Variants in TMCO1 observed in about 807,000 individuals in gnomAD.
The protein encoded by TMCO1 is calcium load-activated calcium channel.
Under a neutral mutation model 29.3 loss-of-function variants are expected in TMCO1, and 29 were observed. The observed-to-expected ratio is 0.99, with a 90% confidence interval of 0.74 to 1.35. The LOEUF (loss-of-function observed/expected upper bound fraction) is 1.35, where lower values mean the gene tolerates loss of function less well. Among genes scored for constraint, TMCO1 ranks in the 40% most tolerant of loss-of-function variants. The pLI is 0.00. For missense variants in TMCO1, 173 were observed against 225.5 expected, an observed-to-expected ratio of 0.77 and a Z score of 1.49; for synonymous variants, 80 against 77.1, an observed-to-expected ratio of 1.04 and a Z score of -0.20.
At chr1:165,765,526 C>A (rs1186182345) in intron 2 of TMCO1, among the ~76,000 whole-genome samples, 1 of 152,234 alleles carries the variant, frequency 6.6e-6, no homozygotes, top group Non-Finnish European at 1.5e-5. Context: ...TCGTGATCCA[C>A]CCACCTCAGC....
chr1:165,752,374 G>A (rs1285364570), intron 4 of TMCO1, among the ~76,000 whole-genome samples: 2 of 149,706 alleles, frequency 1.3e-5, no homozygotes, highest in Non-Finnish European at 3.0e-5. Context: ...CCTTGCCTCA[G>A]CCTCCCGAGT....
chr1:165,729,368 G>C (rs1372256099), intron 6 of TMCO1, among the ~76,000 whole-genome samples: 1 of 148,836 alleles, frequency 6.7e-6, no homozygotes, highest in Non-Finnish European at 1.5e-5. Flanking sequence ...CCAAGCTAGA[G>C]TACAGTGGCA....
At chr1:165,725,995 A>C, downstream of TMCO1, 1 of 684,534 alleles carries the variant, frequency 1.5e-6, no homozygotes. Context: ...GGTCCATAAG[A>C]AGTCTGATTA....
At chr1:165,745,187 ATT>A (rs540820751) in intron 5 of TMCO1, among the ~76,000 whole-genome samples, 21 of 138,674 alleles carry the variant, frequency 1.5e-4, no homozygotes, top group Non-Finnish European at 2.0e-4. Context: ...TGTCTGGCTA[ATT>A]TTTTTTTTTT....
At position 165,728,021 on chromosome 1, in the gene TMCO1, G is replaced by C. The variant is rs928077940; in HGVS notation, c.*2C>G. 6.2e-6 allele frequency: 10 copies of C among 1,602,374 alleles called. No homozygotes were observed. The African/African-American group carries it at 1.2e-4, about 19-fold the overall frequency. On this transcript the variant is annotated 3_prime_UTR_variant, in exon 7 of 7. Coordinates refer to ENST00000367881, the MANE Select transcript of TMCO1 (RefSeq NM_019026.6). The stretch of plus-strand genomic sequence containing the variant: ...ATGATAGAAAATAAAGAGTTCTTGA[G>C]TTCAAGAGAACTTCCCAGAAGGAGG...
downstream of TMCO1, chr1:165,724,995 TC>T: frequency 9.6e-6 from 1 of 103,884 alleles, no homozygotes; most frequent in South Asian, 6.6e-5. Flanking sequence ...TTTCTCTCTC[TC>T]TCTCTCTCTC....
rs1289508750 is a variant in TMCO1 at position 165,727,044 on chromosome 1, C to T, written c.*979G>A. On this transcript the variant is annotated 3_prime_UTR_variant, in exon 7 of 7. Transcript: ENST00000367881. Reference sequence around the variant, plus strand: ...ATGTGCATATTTATTGATAAGACTCCACACAGGACTCCTAATTCCATAGAT... The same window carrying T: ...ATGTGCATATTTATTGATAAGACTCTACACAGGACTCCTAATTCCATAGAT... 4.4e-6 allele frequency: 2 copies of T among 454,044 alleles called. No homozygotes were observed. The highest frequency in any genetic ancestry group is 3.1e-5 in the South Asian group (2 of 64,466). The allele number at this position is 454,044 out of a possible 1,614,324, so 28.1% of individuals were successfully genotyped here.
chr1:165,754,106 T>C, intron 4 of TMCO1, 122 bp downstream of exon 4: 2 of 797,818 alleles, frequency 2.5e-6, no homozygotes. Flanking sequence ...ACCCATGATA[T>C]TATTTATAGC....
At chr1:165,741,088 A>T (rs1023292688) in intron 6 of TMCO1, among the ~76,000 whole-genome samples, 12 of 151,970 alleles carry the variant, frequency 7.9e-5, no homozygotes, top group African/African-American at 2.9e-4. Context: ...AACACCTCAA[A>T]CTCAGCGTGT....
chr1:165,747,820 T>A (rs762499411), intron 5 of TMCO1, among the ~76,000 whole-genome samples: 39 of 152,142 alleles, frequency 2.6e-4, no homozygotes, highest in Non-Finnish European at 4.3e-4. Context: ...CACGTCCTCA[T>A]CTGTAAAATA....
intron 2 of TMCO1, 134 bp from the exon 3 acceptor site, chr1:165,759,718 G>A (rs935229007): frequency 1.7e-5 from 12 of 713,772 alleles, no homozygotes; most frequent in Non-Finnish European, 2.4e-5. Context: ...TCATGATTAA[G>A]TTAACTGGTC....
In TMCO1 at chr1:165,768,765, C is replaced by T; in HGVS notation, c.-14G>A. On this transcript the variant is annotated 5_prime_UTR_variant, in exon 1 of 7. Coordinates refer to ENST00000367881, the MANE Select transcript of TMCO1 (RefSeq NM_019026.6). ...CATAGTGCTCATCTCGCACCTTCGTCTCTGCACTCTCACCCGCCAGGGGGA... is the reference window on the plus strand; with the variant it reads ...CATAGTGCTCATCTCGCACCTTCGTTTCTGCACTCTCACCCGCCAGGGGGA... 1 of 1,614,112 alleles carries T rather than the reference C, an allele frequency of 6.2e-7. No homozygotes were observed. The highest frequency in any genetic ancestry group is 1.7e-5 in the Admixed American group (1 of 60,012).
Position 165,749,837 on chromosome 1 carries a change from CAT to C in TMCO1, c.323+2263_323+2264del, listed in dbSNP as rs1651933614. ...TGTAAAAAACTCTTGTAAATAAAAA[CAT>C]AAAAAATAAACGTCAAAAAAAAGAA... On this transcript the variant is annotated intron_variant, in intron 5 of 6. Coordinates refer to ENST00000367881, the MANE Select transcript of TMCO1 (RefSeq NM_019026.6). Among the ~76,000 whole-genome samples, 3 of 151,420 alleles carry C rather than the reference CAT, an allele frequency of 2.0e-5. 1 individual carries two copies. Among genetic ancestry groups the C allele is most frequent in the African/African-American group, 7.3e-5 (3 of 41,286 alleles).
chr1:165,749,013 A>G (rs1186863110), intron 5 of TMCO1, among the ~76,000 whole-genome samples: 2 of 152,144 alleles, frequency 1.3e-5, no homozygotes, highest in Admixed American at 1.3e-4. Context: ...ATGGCTTACC[A>G]GCTCACTTCT....
chr1:165,732,269 T>C (rs1014922292), intron 6 of TMCO1, among the ~76,000 whole-genome samples: 14 of 151,500 alleles, frequency 9.2e-5, no homozygotes, highest in Admixed American at 6.6e-4. Context: ...AAAGTTGATG[T>C]AGGGAGAGGT....
intron 6 of TMCO1, among the ~76,000 whole-genome samples, chr1:165,734,310 G>T (rs987597064): frequency 6.6e-6 from 1 of 152,072 alleles, no homozygotes; most frequent in African/African-American, 2.4e-5. Flanking sequence ...ATATTATTGG[G>T]TTAGCAATCA....
At chr1:165,729,013 T>C (rs1651012973) in intron 6 of TMCO1, among the ~76,000 whole-genome samples, 1 of 146,828 alleles carries the variant, frequency 6.8e-6, no homozygotes, top group Non-Finnish European at 1.5e-5. Context: ...GGGTGAGGCA[T>C]GAGAGTCCCT....
chr1:165,765,313 T>C (rs1038921052), intron 2 of TMCO1, among the ~76,000 whole-genome samples: 1 of 152,226 alleles, frequency 6.6e-6, no homozygotes, highest in African/African-American at 2.4e-5. Flanking sequence ...GACAAGAGTC[T>C]TGCACTGTTG....
intron 3 of TMCO1, among the ~76,000 whole-genome samples, chr1:165,758,548 C>G (rs1652281154): frequency 6.6e-6 from 1 of 151,850 alleles, no homozygotes; most frequent in Admixed American, 6.6e-5. Flanking sequence ...AAGAGTGAAA[C>G]TCTGTCTCAA....
Sources: gnomAD v4.1 joint callset for allele counts (sites outside exome capture counted in the v4.1 genomes callset) on GRCh38, gnomAD v4.1.1 for gene constraint, MANE v1.5 for transcripts, NCBI Gene and HGNC (gene_info 2026-07-23, HGNC 2026-07-21) for gene names.